Variants in DIS3L2 observed in about 807,000 individuals in gnomAD.
DIS3L2 encodes the protein DIS3 like 3'-5' exoribonuclease 2, also known as DIS3-like exonuclease 2.
In DIS3L2, 34 loss-of-function variants were observed where a neutral mutation model predicts 97.5. The observed-to-expected ratio is 0.35, with a 90% CI of 0.27 to 0.46. DIS3L2 has a LOEUF of 0.46. DIS3L2 is among the 20% of genes least tolerant of loss of function. DIS3L2 has a pLI of 1.00. For missense variants in DIS3L2, 1,038 were observed against 1,146.0 expected (o/e 0.91, Z 1.36); for synonymous variants, 435 against 445.2 (o/e 0.98, Z 0.29).
At chr2:232,267,102 C>G (rs1309970620) in intron 13 of DIS3L2, among the ~76,000 whole-genome samples, 1 of 152,236 alleles carries the variant, frequency 6.6e-6, no homozygotes, top group East Asian at 1.9e-4. Flanking sequence ...GCAACTTAGA[C>G]CGGAGCTGCC....
At chr2:232,161,849 C>T (rs182293078) in intron 8 of DIS3L2, among the ~76,000 whole-genome samples, 157 of 151,944 alleles carry the variant, frequency 1.0e-3, no homozygotes, top group Non-Finnish European at 2.0e-3. Context: ...CTCGGCTCAC[C>T]GCAACCTCTG....
intron 5 of DIS3L2, among the ~76,000 whole-genome samples, chr2:232,039,120 GC>G (rs1210735672): frequency 1.3e-5 from 2 of 152,128 alleles, no homozygotes; most frequent in Non-Finnish European, 2.9e-5. Context: ...GTTAACGTCA[GC>G]CCCATTAGGT....
chr2:232,202,779 A>C (rs181745713), intron 9 of DIS3L2, among the ~76,000 whole-genome samples: 183 of 152,260 alleles, frequency 1.2e-3, no homozygotes, highest in Admixed American at 2.9e-3. Flanking sequence ...TAGACCATAG[A>C]CTTTTCCTGT....
At chr2:232,033,726 CAT>C (rs1377283893) in intron 5 of DIS3L2, among the ~76,000 whole-genome samples, 1 of 152,076 alleles carries the variant, frequency 6.6e-6, no homozygotes, top group Non-Finnish European at 1.5e-5. Flanking sequence ...TTGAGATAAT[CAT>C]GTGGTTTTTG....
chr2:232,284,644 T>C (rs1240904998), intron 13 of DIS3L2, among the ~76,000 whole-genome samples: 1 of 152,222 alleles, frequency 6.6e-6, no homozygotes, highest in Non-Finnish European at 1.5e-5. Flanking sequence ...TTGATGGACA[T>C]GCCCCATGTG....
At chr2:232,142,412 T>G (rs905096203) in intron 8 of DIS3L2, among the ~76,000 whole-genome samples, 11 of 152,168 alleles carry the variant, frequency 7.2e-5, no homozygotes, top group Non-Finnish European at 1.5e-4. Context: ...GCATGCAGTT[T>G]TGGCACTTCT....
At chr2:232,112,161 C>T (rs796308957) in intron 6 of DIS3L2, among the ~76,000 whole-genome samples, 3 of 152,248 alleles carry the variant, frequency 2.0e-5, no homozygotes, top group African/African-American at 4.8e-5. Flanking sequence ...AGGGAGAGGG[C>T]TTCTTTGTGG....
At chr2:232,337,787 T>C (rs1451553165), downstream of DIS3L2, among the ~76,000 whole-genome samples, 9 of 151,742 alleles carry the variant, frequency 5.9e-5, no homozygotes, top group Non-Finnish European at 4.4e-5. Context: ...TAGGGTCCCT[T>C]GTCAGAGTGC....
At position 232,343,444 on chromosome 2, in the gene DIS3L2, G is replaced by T; in HGVS notation, c.1681G>T (p.Glu561Ter). The T allele has an allele frequency of 1.3e-6, 2 of 1,555,964 alleles. No homozygotes were observed. The highest frequency in any genetic ancestry group is 4.9e-5 in the East Asian group (2 of 41,184). Residue 561 changes from glutamate (E) to a stop codon, truncating the protein, a stop_gained, in exon 14 of 14, where the codon GAG (glutamate) becomes TAG (stop). Coordinates refer to the DIS3L2 transcript ENST00000273009. LOFTEE classifies it high-confidence loss of function. ...GCCCTCCACAGAGGAACGCCTGCCT[G>T]AGACTCGGGGCATATGTGACAGGGA...
intron 1 of DIS3L2, among the ~76,000 whole-genome samples, chr2:231,973,657 G>T (rs904309462): frequency 1.3e-5 from 2 of 152,132 alleles, no homozygotes; most frequent in Non-Finnish European, 2.9e-5. Flanking sequence ...CTCCCAAAGT[G>T]TTGGGATTAC....
intron 5 of DIS3L2, among the ~76,000 whole-genome samples, chr2:232,038,697 G>A (rs1022263957): frequency 6.6e-6 from 1 of 152,210 alleles, no homozygotes; most frequent in African/African-American, 2.4e-5. Context: ...CAGGCAGGAA[G>A]TCTAAGACGA....
At chr2:232,313,198 CACTCTT>C (rs1695181579) in intron 14 of DIS3L2, among the ~76,000 whole-genome samples, 1 of 152,168 alleles carries the variant, frequency 6.6e-6, no homozygotes, top group African/African-American at 2.4e-5. Flanking sequence ...ACCACAAACT[CACTCTT>C]AGATTATGAA....
intron 14 of DIS3L2, among the ~76,000 whole-genome samples, chr2:232,300,470 C>G (rs2106321561): frequency 6.6e-6 from 1 of 152,216 alleles, no homozygotes; most frequent in East Asian, 1.9e-4. Flanking sequence ...TGTTGTAGTT[C>G]TCAGTCACTA....
chr2:232,001,109 T>A (rs868009537), intron 1 of DIS3L2, among the ~76,000 whole-genome samples: 1 of 152,294 alleles, frequency 6.6e-6, no homozygotes, highest in East Asian at 1.9e-4. Flanking sequence ...GTTCTGTTTT[T>A]AATTTTTTGA....
intron 1 of DIS3L2, among the ~76,000 whole-genome samples, chr2:232,002,540 C>T (rs748529351): frequency 2.0e-5 from 3 of 152,074 alleles, no homozygotes; most frequent in Non-Finnish European, 4.4e-5. Flanking sequence ...ATTTCATTAA[C>T]ATTTGTTGTG....
Position 232,053,605 on chromosome 2 carries a change from C to T in DIS3L2, c.366+23525C>T, listed in dbSNP as rs886140151. Reference sequence around the variant, plus strand: ...GCTATTATTTGGGGATTCCCATGGCCCCCTCAGGTTCAGTAATTTGCTATA... The same window carrying T: ...GCTATTATTTGGGGATTCCCATGGCTCCCTCAGGTTCAGTAATTTGCTATA... On this transcript the variant is annotated intron_variant, in intron 5 of 20. Transcript: ENST00000325385. 5.9e-5 allele frequency among the ~76,000 whole-genome samples: 9 copies of T among 152,158 alleles called. 1 individual carries two copies. The South Asian group carries it at 1.0e-3, about 18-fold the overall frequency.
At chr2:232,066,809 C>G (rs978264186) in intron 5 of DIS3L2, among the ~76,000 whole-genome samples, 5 of 151,970 alleles carry the variant, frequency 3.3e-5, no homozygotes, top group African/African-American at 1.2e-4. Flanking sequence ...TTATTGATAA[C>G]AGATACTAAA....
intron 13 of DIS3L2, among the ~76,000 whole-genome samples, chr2:232,264,131 T>A (rs1404942616): frequency 3.3e-5 from 5 of 152,176 alleles, no homozygotes; most frequent in Non-Finnish European, 7.3e-5. Context: ...CTAGATCCCT[T>A]GGATGCACAG....
intron 5 of DIS3L2, among the ~76,000 whole-genome samples, chr2:232,030,861 A>T (rs1323635097): frequency 6.6e-6 from 1 of 152,114 alleles, no homozygotes; most frequent in East Asian, 1.9e-4. Flanking sequence ...CGTGTTATAG[A>T]TGTATCTAAG....
Sources: gnomAD v4.1 joint callset for allele counts (sites outside exome capture counted in the v4.1 genomes callset) on GRCh38, gnomAD v4.1.1 for gene constraint, MANE v1.5 for transcripts, NCBI Gene and HGNC (gene_info 2026-07-23, HGNC 2026-07-21) for gene names.